The following CDH18 variants were observed in gnomAD, a reference collection of about 807,000 sequenced individuals.
CDH18 encodes cadherin-18.
Under a neutral mutation model 67.9 loss-of-function variants are expected in CDH18, and 31 were observed. The ratio of observed to expected loss-of-function variants is 0.46; its 90% confidence interval spans 0.34 to 0.62. The LOEUF (loss-of-function observed/expected upper bound fraction) is 0.62, where lower values mean the gene tolerates loss of function less well. CDH18 is among the 20% of genes least tolerant of loss of function. The probability of loss-of-function intolerance (pLI) is 0.01; values close to 1 mark genes in which losing one functional copy is unlikely to be tolerated. For synonymous variants in CDH18, 362 were observed against 347.2 expected (o/e 1.04, Z -0.48); for missense variants, 890 against 975.5 (o/e 0.91, Z 1.17).
chr5:20,191,506 C>T (rs1396031932), intron 2 of CDH18, among the ~76,000 whole-genome samples: 1 of 151,812 alleles, frequency 6.6e-6, no homozygotes, highest in East Asian at 1.9e-4. Context: ...TCTAAGTTCC[C>T]TCCCCTCACC....
intron 3 of CDH18, among the ~76,000 whole-genome samples, chr5:19,750,272 G>C (rs1322450504): frequency 6.6e-6 from 1 of 152,020 alleles, no homozygotes; most frequent in African/African-American, 2.4e-5. Context: ...TCAAATCTCA[G>C]TTCTGTTTGC....
At chr5:19,608,794 CT>C (rs1229626379) in intron 6 of CDH18, among the ~76,000 whole-genome samples, 3 of 151,652 alleles carry the variant, frequency 2.0e-5, no homozygotes, top group African/African-American at 7.3e-5. Flanking sequence ...CTGAAGCTCA[CT>C]TGTGGCTGCA....
intron 2 of CDH18, among the ~76,000 whole-genome samples, chr5:20,167,091 C>A (rs1203678347): frequency 1.3e-5 from 2 of 151,952 alleles, no homozygotes; most frequent in East Asian, 1.9e-4. Context: ...AAATAAAAGT[C>A]TCTTTTAACA....
chr5:20,078,895 C>T (rs1021375641), intron 2 of CDH18, among the ~76,000 whole-genome samples: 1 of 152,142 alleles, frequency 6.6e-6, no homozygotes, highest in Admixed American at 6.5e-5. Flanking sequence ...GGATTACAGG[C>T]GTAAGCCACT....
At chr5:20,343,802 T>A (rs934782244) in intron 1 of CDH18, among the ~76,000 whole-genome samples, 1 of 152,180 alleles carries the variant, frequency 6.6e-6, no homozygotes, top group African/African-American at 2.4e-5. Context: ...TTACATCTAA[T>A]GGGTCTACCA....
intron 1 of CDH18, among the ~76,000 whole-genome samples, chr5:20,323,470 T>TA (rs781391488): frequency 1.1e-4 from 17 of 152,210 alleles, no homozygotes; most frequent in Admixed American, 2.6e-4. Context: ...TACTTGGCAT[T>TA]AAACAGTGCA....
chr5:19,881,279 T>C (rs1028151877), intron 2 of CDH18, among the ~76,000 whole-genome samples: 1 of 152,168 alleles, frequency 6.6e-6, no homozygotes, highest in Non-Finnish European at 1.5e-5. Context: ...TTCTTTGTCT[T>C]ATGTGCTACC....
intron 2 of CDH18, among the ~76,000 whole-genome samples, chr5:19,961,790 C>G (rs1796929467): frequency 1.3e-5 from 2 of 151,896 alleles, no homozygotes; most frequent in South Asian, 4.1e-4. Flanking sequence ...TGTCCTGATT[C>G]CAGCTCAAAA....
Position 20,555,408 on chromosome 5 carries a change from C to CTTTTT in CDH18, c.-580+20049_-580+20053dup, listed in dbSNP as rs774396694. On this transcript the variant is annotated intron_variant, in intron 1 of 14. Transcript: ENST00000507958. ...GCCAGAACCACCAAGACAAGCTTTT[C>CTTTTT]TTTTTTTTTTTTTTTTTTTTTTTTT... is the stretch of plus-strand genomic sequence containing the variant. Among the ~76,000 whole-genome samples the CTTTTT allele has an allele frequency of 2.8e-3, 292 of 103,560 alleles. 17 individuals are homozygous for CTTTTT. Among genetic ancestry groups the CTTTTT allele is most frequent in the African/African-American group, 6.7e-3 (163 of 24,314 alleles). 67.9% of individuals were successfully genotyped at this position (103,560 alleles called of 152,430 possible).
chr5:19,514,492 T>C (rs1342273864), intron 10 of CDH18, among the ~76,000 whole-genome samples: 1 of 152,178 alleles, frequency 6.6e-6, no homozygotes, highest in African/African-American at 2.4e-5. Context: ...TTTCTCCACA[T>C]CCTCTCCAGC....
intron 1 of CDH18, among the ~76,000 whole-genome samples, chr5:20,281,943 G>A (rs571246060): frequency 5.9e-5 from 9 of 152,064 alleles, no homozygotes; most frequent in Non-Finnish European, 1.3e-4. Context: ...CTTGTAAGTT[G>A]GATTCCTAGG....
intron 2 of CDH18, among the ~76,000 whole-genome samples, chr5:20,141,065 T>C (rs1326021356): frequency 6.6e-6 from 1 of 152,164 alleles, no homozygotes; most frequent in Non-Finnish European, 1.5e-5. Context: ...TTTCCAGCCA[T>C]GTAATTTACT....
At chr5:19,860,428 T>G (rs1033451116) in intron 2 of CDH18, among the ~76,000 whole-genome samples, 1 of 151,336 alleles carries the variant, frequency 6.6e-6, no homozygotes, top group Admixed American at 6.6e-5. Context: ...TCTTTTCTTC[T>G]TCTTCTTTTT....
At chr5:20,036,898 G>A (rs577789604) in intron 2 of CDH18, among the ~76,000 whole-genome samples, 124 of 151,846 alleles carry the variant, frequency 8.2e-4, no homozygotes, top group African/African-American at 2.9e-3. Flanking sequence ...GATCTTTGTG[G>A]GTCTAAAGTC....
intron 2 of CDH18, among the ~76,000 whole-genome samples, chr5:20,128,834 A>G (rs1749035460): frequency 6.6e-6 from 1 of 151,048 alleles, no homozygotes; most frequent in South Asian, 2.1e-4. Context: ...GATAGGACAC[A>G]GCAGTTTTTT....
intron 2 of CDH18, among the ~76,000 whole-genome samples, chr5:19,942,504 C>A (rs528693750): frequency 1.3e-5 from 2 of 152,134 alleles, no homozygotes; most frequent in Admixed American, 6.6e-5. Flanking sequence ...AAATTTACCA[C>A]GGAAAATATG....
chr5:19,737,745 G>C (rs1206952594), intron 4 of CDH18, among the ~76,000 whole-genome samples: 1 of 152,070 alleles, frequency 6.6e-6, no homozygotes, highest in African/African-American at 2.4e-5. Context: ...AGTAATTTCA[G>C]CATTTGCTTA....
chr5:20,128,130 T>C (rs939409959), intron 2 of CDH18, among the ~76,000 whole-genome samples: 6 of 152,176 alleles, frequency 3.9e-5, no homozygotes, highest in Non-Finnish European at 4.4e-5. Context: ...AAAGTCTTTT[T>C]TGAGTAAAGT....
At chr5:20,405,042 A>G (rs1746108873) in intron 1 of CDH18, among the ~76,000 whole-genome samples, 1 of 152,168 alleles carries the variant, frequency 6.6e-6, no homozygotes, top group Admixed American at 6.5e-5. Context: ...GTTCATCCCC[A>G]TCAAGCTACC....
Sources: gnomAD v4.1 joint callset for allele counts (sites outside exome capture counted in the v4.1 genomes callset) on GRCh38, gnomAD v4.1.1 for gene constraint, MANE v1.5 for transcripts, NCBI Gene and HGNC (gene_info 2026-07-23, HGNC 2026-07-21) for gene names.